Variants in HPSE2 observed in about 807,000 individuals in gnomAD.
HPSE2 encodes inactive heparanase-2.
In HPSE2, 38 loss-of-function variants were observed where a neutral mutation model predicts 60.5. That is an observed-to-expected ratio of 0.63 (90% CI 0.48 to 0.82). The LOEUF is 0.82. Among genes scored for constraint, HPSE2 ranks in the 40% least tolerant of loss-of-function variants. The pLI, the probability that HPSE2 is intolerant of heterozygous loss-of-function variation, is 0.00. For synonymous variants in HPSE2, 295 were observed against 293.2 expected (o/e 1.01, Z -0.06); for missense variants, 713 against 740.4 (o/e 0.96, Z 0.43).
chr10:98,676,196 C>T (rs1010278152), intron 6 of HPSE2, among the ~76,000 whole-genome samples: 2 of 152,096 alleles, frequency 1.3e-5, no homozygotes, highest in Non-Finnish European at 2.9e-5. Context: ...AATGAGTGGC[C>T]AGTGTTATTA....
chr10:99,103,744 C>T (rs1028235836), intron 3 of HPSE2, among the ~76,000 whole-genome samples: 1 of 152,134 alleles, frequency 6.6e-6, no homozygotes, highest in African/African-American at 2.4e-5. Flanking sequence ...TACTACAAGG[C>T]TACAGTAACC....
chr10:99,294,281 T>C, the HPSE2 span, among the ~76,000 whole-genome samples: 2 of 149,882 alleles, frequency 1.3e-5, no homozygotes, highest in African/African-American at 2.4e-5. Context: ...TATGTACACA[T>C]ATATATATAG....
At chr10:99,039,712 A>G (rs998806866) in intron 3 of HPSE2, among the ~76,000 whole-genome samples, 2 of 152,056 alleles carry the variant, frequency 1.3e-5, no homozygotes, top group African/African-American at 2.4e-5. Flanking sequence ...TCATATTGCA[A>G]TGGATTATAG....
chr10:99,186,131 C>CACACACACACACACACACACACACAT (rs1848008657), intron 2 of HPSE2, among the ~76,000 whole-genome samples: 1 of 149,410 alleles, frequency 6.7e-6, no homozygotes, highest in Non-Finnish European at 1.5e-5. Context: ...CACACACACA[C>CACACACACACACACACACACACACAT]ACACACACAC....
chr10:99,297,314 A>G, the HPSE2 span, among the ~76,000 whole-genome samples: 1 of 152,166 alleles, frequency 6.6e-6, no homozygotes, highest in African/African-American at 2.4e-5. Context: ...AAGTTGAGGT[A>G]TCCTGGAGAG....
chr10:98,574,121 T>C (rs1375292081), intron 9 of HPSE2, among the ~76,000 whole-genome samples: 1 of 152,080 alleles, frequency 6.6e-6, no homozygotes, highest in Non-Finnish European at 1.5e-5. Context: ...TTCTGGACAT[T>C]TTGTATAAGT....
At chr10:98,672,814 A>C (rs1424318550) in intron 6 of HPSE2, among the ~76,000 whole-genome samples, 1 of 152,162 alleles carries the variant, frequency 6.6e-6, no homozygotes. Context: ...TGTTTTGTAA[A>C]CCTTTAAAAG....
At chr10:99,003,638 A>G (rs2090369614) in intron 3 of HPSE2, among the ~76,000 whole-genome samples, 1 of 152,070 alleles carries the variant, frequency 6.6e-6, no homozygotes, top group Admixed American at 6.5e-5. Context: ...TTCTTTTGAG[A>G]TATATCTATT....
intron 2 of HPSE2, among the ~76,000 whole-genome samples, chr10:99,182,972 A>C (rs12357267): frequency 0.48 from 72,235 of 151,788 alleles, 20,941 homozygotes; most frequent in Non-Finnish European, 0.64. Flanking sequence ...CACACACACA[A>C]AAAAAACTAA....
chr10:98,700,041 C>A (rs12766019), intron 5 of HPSE2, among the ~76,000 whole-genome samples: 1 of 151,186 alleles, frequency 6.6e-6, no homozygotes, highest in African/African-American at 2.4e-5. Flanking sequence ...TAGGAAGAAT[C>A]GATATCATGA....
rs1277776286 is a variant in HPSE2 at position 98,938,842 on chromosome 10, C to G, written c.611-194786G>C. ...GTTAAGGGCAGACAGAGAGAAAGGT[C>G]AGGTTACCCACAAAGGGAAGTCCAT... On this transcript the variant is annotated intron_variant, in intron 3 of 11. Coordinates refer to ENST00000370552, the MANE Select transcript of HPSE2 (RefSeq NM_021828.5). 2.8e-5 allele frequency among the ~76,000 whole-genome samples: 4 copies of G among 144,028 alleles called. No homozygotes were observed. In the East Asian group the frequency reaches 7.8e-4, roughly 28 times the overall value. 94.5% of individuals were successfully genotyped at this position (144,028 alleles called of 152,430 possible).
chr10:98,457,852 A>C lies in HPSE2; in HGVS notation c.*1722T>G, dbSNP rs75584607. The C allele has an allele frequency of 0.064, 9,757 of 152,504 alleles. 420 individuals are homozygous for C. Among genetic ancestry groups the C allele is most frequent in the East Asian group, 0.12 (596 of 5,158 alleles). 9.4% of individuals were successfully genotyped at this position (152,504 alleles called of 1,614,324 possible). ...TGCCCCTCTCTCTCCAGTTGCTTCC[A>C]TGCTGAGCACAGCCACTGACCTGGT... is the stretch of plus-strand genomic sequence containing the variant. On this transcript the variant is annotated 3_prime_UTR_variant, in exon 12 of 12. Transcript: ENST00000370552.
At chr10:98,713,378 G>A (rs1932734) in intron 5 of HPSE2, among the ~76,000 whole-genome samples, 28,014 of 151,790 alleles carry the variant, frequency 0.18, 3,000 homozygotes, top group East Asian at 0.38. Context: ...CAAGATGCAC[G>A]CAAGCAGAGT....
intron 11 of HPSE2, 41 bp downstream of exon 11, chr10:98,482,595 T>C (rs1297893544): frequency 1.9e-6 from 3 of 1,613,308 alleles, no homozygotes; most frequent in East Asian, 4.5e-5. Flanking sequence ...CCTCAGCTCC[T>C]GCTGCACTTG....
chr10:99,077,053 G>A (rs915103548), intron 3 of HPSE2, among the ~76,000 whole-genome samples: 1 of 152,000 alleles, frequency 6.6e-6, no homozygotes, highest in African/African-American at 2.4e-5. Flanking sequence ...TGGCCTGCAG[G>A]GTTTCTGCTG....
intron 3 of HPSE2, among the ~76,000 whole-genome samples, chr10:99,066,115 T>C (rs896019239): frequency 1.3e-5 from 2 of 151,770 alleles, no homozygotes; most frequent in African/African-American, 4.8e-5. Context: ...CCCCTAAAGA[T>C]TATAGCTTTG....
chr10:98,986,320 A>T (rs1271597177), intron 3 of HPSE2, among the ~76,000 whole-genome samples: 1 of 152,120 alleles, frequency 6.6e-6, no homozygotes, highest in African/African-American at 2.4e-5. Flanking sequence ...ATCAAACTAG[A>T]ACTCAGGATT....
In HPSE2 at chr10:99,072,927, CAAAAAAAAAAAAAAAAAAAAAAA is replaced by C. The variant is rs770699941; in HGVS notation, c.610+71288_610+71310del. 7.1e-3 allele frequency among the ~76,000 whole-genome samples: 626 copies of C among 88,036 alleles called. 4 individuals are homozygous for C. The highest frequency in any genetic ancestry group is 0.038 in the African/African-American group (590 of 15,560). The allele number at this position is 88,036 out of a possible 152,430, so 57.8% of individuals were successfully genotyped here. On this transcript the variant is annotated intron_variant, in intron 3 of 11. Transcript: ENST00000370552. ...CTGGTGACAGAGCCAGGCTCCGTCTCAAAAAAAAAAAAAAAAAAAAAAAAAAAAAAAAAAAAGACAAGAAACAA... is the reference window on the plus strand; with the variant it reads ...CTGGTGACAGAGCCAGGCTCCGTCTCAAAAAAAAAAAAAGACAAGAAACAA...
chr10:98,504,953 G>A lies in HPSE2; in HGVS notation c.1321-14757C>T, dbSNP rs1435813572. The stretch of plus-strand genomic sequence containing the variant: ...TGTGTTAGCTTTATAAAAATGGTAC[G>A]TAATTTCCTGTGTCTTAATTTTTTC... On this transcript the variant is annotated intron_variant, in intron 9 of 11. Coordinates refer to ENST00000370552, the MANE Select transcript of HPSE2 (RefSeq NM_021828.5). Among the ~76,000 whole-genome samples the A allele has an allele frequency of 4.6e-5, 7 of 152,010 alleles. No homozygotes were observed. In the South Asian group the frequency reaches 8.3e-4, roughly 18 times the overall value.
Sources: gnomAD v4.1 joint callset for allele counts (sites outside exome capture counted in the v4.1 genomes callset) on GRCh38, gnomAD v4.1.1 for gene constraint, MANE v1.5 for transcripts, NCBI Gene and HGNC (gene_info 2026-07-23, HGNC 2026-07-21) for gene names.